The following TRMT6 variants were observed in gnomAD, a reference collection of about 807,000 sequenced individuals.
TRMT6 encodes the protein tRNA methyltransferase 6 non-catalytic subunit.
A neutral mutation model predicts 59.0 loss-of-function variants in TRMT6; 34 were observed. The observed-to-expected ratio is 0.58, with a 90% CI of 0.44 to 0.77. The LOEUF is 0.77. Ranked by LOEUF, TRMT6 falls within the 30% of genes least tolerant of loss-of-function variation. TRMT6 has a pLI of 0.00. For synonymous variants in TRMT6, 217 were observed against 210.5 expected (o/e 1.03, Z -0.27); for missense variants, 575 against 604.5 (o/e 0.95, Z 0.51).
chr20:5,946,119 T>C (rs961346369), intron 2 of TRMT6, among the ~76,000 whole-genome samples: 1 of 152,230 alleles, frequency 6.6e-6, no homozygotes, highest in Non-Finnish European at 1.5e-5. Flanking sequence ...TTCTGGGCAC[T>C]GAAAGAACTT....
chr20:5,945,110 C>T (rs949367398), intron 2 of TRMT6, among the ~76,000 whole-genome samples, 196 bp from the exon 3 acceptor site: 1 of 152,220 alleles, frequency 6.6e-6, no homozygotes, highest in Admixed American at 6.5e-5. Flanking sequence ...AGTCTTGCCC[C>T]CCTACTATCC....
chr20:5,943,026 C>A (rs1480002603), intron 6 of TRMT6, among the ~76,000 whole-genome samples: 1 of 152,182 alleles, frequency 6.6e-6, no homozygotes, highest in Non-Finnish European at 1.5e-5. Context: ...CCACTTGATA[C>A]TATTGTAAAA....
chr20:5,941,349 T>C lies in TRMT6; in HGVS notation c.1113-4A>G. On this transcript the variant is annotated splice_polypyrimidine_tract_variant and splice_region_variant and intron_variant, in intron 8 of 10. Coordinates refer to ENST00000203001, the MANE Select transcript of TRMT6 (RefSeq NM_015939.5). ...GAAACGACTAGCTACAATTAAACTG[T>C]AAGGAAAATGCCAGACAAATTATTT... 6.8e-6 allele frequency: 11 copies of C among 1,609,436 alleles called. No homozygotes were observed. Among genetic ancestry groups the C allele is most frequent in the South Asian group, 1.1e-5 (1 of 90,932 alleles).
At chr20:5,944,629 G>C (rs1600224900) in intron 3 of TRMT6, among the ~76,000 whole-genome samples, 176 bp downstream of exon 3, 1 of 152,070 alleles carries the variant, frequency 6.6e-6, no homozygotes, top group South Asian at 2.1e-4. Context: ...TTATATTCCT[G>C]TATATAAGAC....
chr20:5,941,825 C>T, intron 8 of TRMT6, 126 bp downstream of exon 8: 1 of 827,768 alleles, frequency 1.2e-6, no homozygotes, highest in Non-Finnish European at 1.9e-6. Context: ...AAAAAAACCC[C>T]CAAGACAAAA....
chr20:5,946,028 G>T (rs73894089), intron 2 of TRMT6, among the ~76,000 whole-genome samples: 2,683 of 152,302 alleles, frequency 0.018, 71 homozygotes, highest in African/African-American at 0.054. Context: ...GATGAAGGTA[G>T]AAATTGAACT....
At chr20:5,950,163 G>T in intron 1 of TRMT6, 115 bp downstream of exon 1, 1 of 1,141,280 alleles carries the variant, frequency 8.8e-7, no homozygotes, top group Non-Finnish European at 1.2e-6. Context: ...GGGGAATGGG[G>T]ACCGAGAGAG....
intron 1 of TRMT6, 60 bp from the exon 2 acceptor site, chr20:5,946,593 T>TG: frequency 1.3e-6 from 2 of 1,530,616 alleles, no homozygotes; most frequent in Non-Finnish European, 1.8e-6. Flanking sequence ...AGAAAAGACA[T>TG]GTTCACTACA....
chr20:5,942,834 C>A, intron 6 of TRMT6, 48 bp from the exon 7 acceptor site: 2 of 1,434,576 alleles, frequency 1.4e-6, no homozygotes, highest in South Asian at 2.4e-5. Flanking sequence ...TGACTCTAGA[C>A]TACGTAAACC....
At chr20:5,942,225 T>A in intron 7 of TRMT6, 189 bp from the exon 8 acceptor site, 1 of 713,278 alleles carries the variant, frequency 1.4e-6, no homozygotes, top group Non-Finnish European at 2.4e-6. Context: ...GATTAAGCTA[T>A]CTATGCAACG....
intron 2 of TRMT6, 36 bp from the exon 3 acceptor site, chr20:5,944,950 CT>C (rs772091305): frequency 7.2e-6 from 11 of 1,519,574 alleles, no homozygotes; most frequent in Non-Finnish European, 9.1e-7. Context: ...CATTTATGGT[CT>C]GAAATTATTT....
intron 1 of TRMT6, among the ~76,000 whole-genome samples, chr20:5,947,320 C>T (rs993249584): frequency 6.6e-6 from 1 of 152,190 alleles, no homozygotes; most frequent in African/African-American, 2.4e-5. Flanking sequence ...CCCATGTGCA[C>T]AGAACACTGA....
At chr20:5,949,674 T>C (rs1029324676) in intron 1 of TRMT6, among the ~76,000 whole-genome samples, 2 of 152,264 alleles carry the variant, frequency 1.3e-5, no homozygotes, top group South Asian at 4.1e-4. Flanking sequence ...CTCCTTCATC[T>C]ATTCTGTGTA....
At chr20:5,948,105 G>C (rs918572821) in intron 1 of TRMT6, among the ~76,000 whole-genome samples, 1 of 152,136 alleles carries the variant, frequency 6.6e-6, no homozygotes, top group African/African-American at 2.4e-5. Context: ...GGGGGACCGA[G>C]TGAGATCCCG....
chr20:5,949,928 G>A (rs750920611), intron 1 of TRMT6, among the ~76,000 whole-genome samples: 1 of 95,660 alleles, frequency 1.0e-5, no homozygotes, highest in Non-Finnish European at 1.8e-5. Flanking sequence ...CAGGTGATTA[G>A]GGTGTGGAGA....
intron 10 of TRMT6, 137 bp downstream of exon 10, chr20:5,940,916 C>A: frequency 2.8e-6 from 2 of 718,654 alleles, no homozygotes; most frequent in Non-Finnish European, 2.4e-6. Context: ...CTGCCTTGGC[C>A]TCCCAAAGTG....
At chr20:5,943,006 A>C (rs6139877) in intron 6 of TRMT6, among the ~76,000 whole-genome samples, 3 of 152,302 alleles carry the variant, frequency 2.0e-5, no homozygotes, top group East Asian at 3.9e-4. Flanking sequence ...AGACTCAAAG[A>C]AGCTTATCCC....
Position 5,944,135 on chromosome 20 carries a change from G to A in TRMT6, c.458+27C>T, listed in dbSNP as rs236178. 1.9e-4 allele frequency: 266 copies of A among 1,365,884 alleles called. 2 individuals carry two copies. The highest frequency in any genetic ancestry group is 2.4e-4 in the Admixed American group (11 of 45,174). 84.6% of individuals were successfully genotyped at this position (1,365,884 alleles called of 1,614,324 possible). ...AAACATATAAGAAGTTTAATATTGT[G>A]GGCCTTTTAAAATAAAAACTACTTA... is the stretch of plus-strand genomic sequence containing the variant. On this transcript the variant is annotated intron_variant, in intron 4 of 10. Transcript: ENST00000203001.
intron 1 of TRMT6, among the ~76,000 whole-genome samples, chr20:5,947,514 C>A (rs944173336): frequency 6.6e-6 from 1 of 152,214 alleles, no homozygotes; most frequent in Non-Finnish European, 1.5e-5. Flanking sequence ...TTCCCTAAAT[C>A]GGCCACACTT....
Sources: gnomAD v4.1 joint callset for allele counts (sites outside exome capture counted in the v4.1 genomes callset) on GRCh38, gnomAD v4.1.1 for gene constraint, MANE v1.5 for transcripts, NCBI Gene and HGNC (gene_info 2026-07-23, HGNC 2026-07-21) for gene names.